ADK: variants seen among roughly 807,000 people sequenced by gnomAD.
ADK encodes adenosine kinase, also known as N6,N6-dimethyladenosine kinase.
ADK carries 24 observed loss-of-function variants against 44.7 expected under a neutral mutation model. That is an observed-to-expected ratio of 0.54 (90% CI 0.39 to 0.76). ADK has a LOEUF of 0.76. Ranked by LOEUF, ADK falls within the 30% of genes least tolerant of loss-of-function variation. The pLI, the probability that ADK is intolerant of heterozygous loss-of-function variation, is 0.00. For missense variants in ADK, 321 were observed against 425.1 expected (o/e 0.76, Z 2.15); for synonymous variants, 128 against 142.6 (o/e 0.90, Z 0.73).
chr10:74,241,252 T>C (rs1229275512), intron 3 of ADK, among the ~76,000 whole-genome samples: 1 of 152,192 alleles, frequency 6.6e-6, no homozygotes, highest in Non-Finnish European at 1.5e-5. Flanking sequence ...CACAGCAAAA[T>C]TGAGCAAAGA....
At chr10:74,176,451 C>T (rs1842340661) in intron 1 of ADK, 1 of 1,079,558 alleles carries the variant, frequency 9.3e-7, no homozygotes, top group East Asian at 7.2e-5. Flanking sequence ...CCGAGGTAGA[C>T]AGTGGCCACG....
chr10:74,670,395 G>A, intron 10 of ADK, 126 bp downstream of exon 10: 3 of 746,102 alleles, frequency 4.0e-6, no homozygotes, highest in Non-Finnish European at 6.8e-6. Context: ...AACTTCTGAA[G>A]TTCTTTCCAT....
intron 3 of ADK, among the ~76,000 whole-genome samples, chr10:74,227,910 T>TGA (rs1012440282): frequency 6.6e-5 from 10 of 152,142 alleles, no homozygotes; most frequent in Non-Finnish European, 1.2e-4. Context: ...CTCAGGAAGC[T>TGA]GAGGCAGGTA....
chr10:74,229,529 C>T (rs1239718506), intron 3 of ADK, among the ~76,000 whole-genome samples: 2 of 151,434 alleles, frequency 1.3e-5, no homozygotes, highest in Non-Finnish European at 2.9e-5. Context: ...TCCAGAGTAG[C>T]TGGGACTACA....
At chr10:74,435,593 A>G (rs1383963715) in intron 6 of ADK, among the ~76,000 whole-genome samples, 1 of 152,192 alleles carries the variant, frequency 6.6e-6, no homozygotes, top group Admixed American at 6.5e-5. Context: ...TTGAACACCA[A>G]GTACAATAAA....
At chr10:74,321,789 T>C (rs959798215) in intron 4 of ADK, among the ~76,000 whole-genome samples, 4 of 152,234 alleles carry the variant, frequency 2.6e-5, no homozygotes, top group Non-Finnish European at 5.9e-5. Flanking sequence ...TTTAAGTGTT[T>C]TCTTGATGTA....
intron 10 of ADK, among the ~76,000 whole-genome samples, chr10:74,703,447 C>T (rs1856502780): frequency 6.6e-6 from 1 of 151,994 alleles, no homozygotes; most frequent in African/African-American, 2.4e-5. Flanking sequence ...AATTATGCCA[C>T]TGCACTCCAG....
chr10:74,615,442 A>G (rs1294584144), intron 9 of ADK, among the ~76,000 whole-genome samples: 1 of 152,176 alleles, frequency 6.6e-6, no homozygotes, highest in African/African-American at 2.4e-5. Context: ...TGTAACCACC[A>G]CCATAGTTAT....
intron 2 of ADK, among the ~76,000 whole-genome samples, chr10:74,201,570 A>G (rs1179421701): frequency 6.6e-6 from 1 of 152,122 alleles, no homozygotes; most frequent in Non-Finnish European, 1.5e-5. Context: ...TTTATAAATG[A>G]AACTTTATCA....
chr10:74,158,671 T>A (rs369833133), intron 1 of ADK, among the ~76,000 whole-genome samples: 6 of 152,322 alleles, frequency 3.9e-5, no homozygotes, highest in African/African-American at 1.2e-4. Context: ...CCCCAAGGAT[T>A]TAAGAAAGGG....
chr10:74,538,053 TC>T (rs1849512989), intron 7 of ADK, among the ~76,000 whole-genome samples: 2 of 152,066 alleles, frequency 1.3e-5, no homozygotes, highest in Non-Finnish European at 2.9e-5. Context: ...GGTCAGGAGT[TC>T]CAGAACAGCC....
intron 6 of ADK, among the ~76,000 whole-genome samples, chr10:74,447,181 G>GA (rs1376644733): frequency 2.6e-5 from 4 of 152,006 alleles, no homozygotes; most frequent in African/African-American, 9.7e-5. Flanking sequence ...GAAAAGAATT[G>GA]AAAACCCCAA....
intron 9 of ADK, among the ~76,000 whole-genome samples, chr10:74,610,882 A>C (rs1016321702): frequency 1.3e-5 from 2 of 152,176 alleles, no homozygotes; most frequent in Non-Finnish European, 2.9e-5. Context: ...ATACATATAT[A>C]GTGCTTTATA....
chr10:74,428,968 A>G (rs1475735553), intron 6 of ADK, among the ~76,000 whole-genome samples: 1 of 152,244 alleles, frequency 6.6e-6, no homozygotes, highest in Non-Finnish European at 1.5e-5. Flanking sequence ...ACAAGAGAAT[A>G]TTATGCATAC....
In ADK at chr10:74,375,751, T is replaced by C. The variant is rs184031077; in HGVS notation, c.274-18390T>C. ...GGTATCTTCACTTTATGTCAAAGTC[T>C]AAGCTATCAGTATTTTTCTTTGTAG... On this transcript the variant is annotated intron_variant, in intron 4 of 10. Coordinates refer to ENST00000539909, the MANE Select transcript of ADK (RefSeq NM_006721.4). Among the ~76,000 whole-genome samples, 5 of 152,314 alleles carry C rather than the reference T, an allele frequency of 3.3e-5. No individual in the cohort carries two copies. The East Asian group carries it at 9.6e-4, about 29-fold the overall frequency.
chr10:74,563,499 A>G (rs16931519), intron 7 of ADK, among the ~76,000 whole-genome samples: 1,973 of 152,348 alleles, frequency 0.013, 50 homozygotes, highest in African/African-American at 0.044. Flanking sequence ...ATGGACTGAA[A>G]CATAGAGCAC....
rs373046686 is a variant in ADK at position 74,705,282 on chromosome 10, A to C, written c.965-3039A>C. Among the ~76,000 whole-genome samples the C allele has an allele frequency of 5.8e-5, 3 of 52,002 alleles. No individual in the cohort carries two copies. The East Asian group carries it at 1.7e-3, about 30-fold the overall frequency. 34.1% of individuals were successfully genotyped at this position (52,002 alleles called of 152,430 possible). On this transcript the variant is annotated intron_variant, in intron 10 of 10. Coordinates refer to ENST00000539909, the MANE Select transcript of ADK (RefSeq NM_006721.4). The stretch of plus-strand genomic sequence containing the variant: ...CTGCTCTTCTGAGTATTTGAGTGTT[A>C]ACTGCAGCAGCTCAGCAGCTCAGGT...
intron 4 of ADK, among the ~76,000 whole-genome samples, chr10:74,347,088 C>A (rs1841793335): frequency 2.8e-5 from 3 of 107,682 alleles, no homozygotes; most frequent in Admixed American, 1.1e-4. Context: ...GCCTGGGCGA[C>A]AGAGCGACAC....
chr10:74,620,527 A>G (rs1290683245), intron 9 of ADK, among the ~76,000 whole-genome samples: 1 of 152,198 alleles, frequency 6.6e-6, no homozygotes, highest in Non-Finnish European at 1.5e-5. Flanking sequence ...GTTGTTGGAC[A>G]TTTGGGTTGA....
Sources: allele counts gnomAD v4.1 joint callset (sites outside exome capture counted in the v4.1 genomes callset), GRCh38; gene constraint gnomAD v4.1.1; transcripts MANE v1.5; gene names NCBI Gene and HGNC (gene_info 2026-07-23, HGNC 2026-07-21).